The following PMP22 variants were observed in gnomAD, a reference collection of about 807,000 sequenced individuals.
PMP22 encodes the protein Charcot-Marie-Tooth neuropathy 1A (greatly reduced nerve conduction velocity, hereditary motor sensory neuropathy Ia).
A neutral mutation model predicts 18.9 loss-of-function variants in PMP22; 2 were observed. The ratio of observed to expected loss-of-function variants is 0.11; its 90% CI spans 0.04 to 0.33. The LOEUF (loss-of-function observed/expected upper bound fraction) is 0.33. Among genes scored for constraint, PMP22 ranks in the 10% least tolerant of loss-of-function variants. The pLI is 1.00. For missense variants in PMP22, 169 were observed against 202.2 expected, an observed-to-expected ratio of 0.84 and a Z score of 1.00; for synonymous variants, 95 against 89.2, an observed-to-expected ratio of 1.07 and a Z score of -0.37.
intron 4 of PMP22, 172 bp downstream of exon 4, chr17:15,239,299 A>G: frequency 1.4e-6 from 1 of 734,688 alleles, no homozygotes; most frequent in Non-Finnish European, 2.4e-6. Flanking sequence ...TCTAAGACAC[A>G]TACAGGTACA....
intron 3 of PMP22, among the ~76,000 whole-genome samples, chr17:15,251,231 C>A (rs1012588395): frequency 1.3e-5 from 2 of 152,178 alleles, no homozygotes; most frequent in African/African-American, 2.4e-5. Flanking sequence ...AAGGAAGAGG[C>A]CTTCCCTGAG....
In PMP22 at chr17:15,239,602, T is replaced by A. The variant is rs752712529; in HGVS notation, c.188A>T (p.Gln63Leu). 6.2e-7 allele frequency: 1 copy of A among 1,613,926 alleles called. No homozygotes were observed. The change falls in exon 4 of 5, where the codon CAG (glutamine) becomes CTG (leucine). Residue 63 changes from glutamine (Q) to leucine (L), a missense_variant. Gln to Leu is a moderately radical substitution (Grantham distance 113, BLOSUM62 -2). Coordinates refer to ENST00000312280, the MANE Select transcript of PMP22 (RefSeq NM_000304.4). ...CFSSSPNEWLQSVQATMILSI... is the reference protein window; with the variant it reads ...CFSSSPNEWLLSVQATMILSI... ...CAGGATCATGGTGGCCTGGACAGACTGCAGCCATTCTGGGGGAAAGAGACA... is the reference window on the plus strand; with the variant it reads ...CAGGATCATGGTGGCCTGGACAGACAGCAGCCATTCTGGGGGAAAGAGACA...
At position 15,230,900 on chromosome 17, in the gene PMP22, C is replaced by G; in HGVS notation, c.*17G>C. On this transcript the variant is annotated 3_prime_UTR_variant, in exon 5 of 5. Coordinates refer to ENST00000312280, the MANE Select transcript of PMP22 (RefSeq NM_000304.4). ...CCCTATGTACGCTCAGAGCCTCAGA[C>G]AGACCGTCTGGGCGCCTCATTCGCG... is the stretch of plus-strand genomic sequence containing the variant. The G allele has an allele frequency of 6.2e-7, 1 of 1,613,536 alleles. No homozygotes were observed. The highest frequency in any genetic ancestry group is 8.5e-7 in the Non-Finnish European group (1 of 1,179,896).
In PMP22 at chr17:15,258,929, C is replaced by T. The variant is rs1597632523; in HGVS notation, c.178+165G>A. 1.5e-6 allele frequency: 1 copy of T among 687,746 alleles called. No individual in the cohort carries two copies. The highest frequency in any genetic ancestry group is 1.5e-5 in the South Asian group (1 of 64,622). The allele number at this position is 687,746 out of a possible 1,614,324, so 42.6% of individuals were successfully genotyped here. A position where few individuals can be genotyped will look rare whatever the true frequency, so the allele number is the denominator to read the frequency against. On this transcript the variant is annotated intron_variant, in intron 3 of 4. Transcript: ENST00000312280. This position sits in a 1 kb window ranked among gnomAD's most constrained non-coding sequence, Gnocchi z 4.1. ...GATCTCAGCTTCCCCAGCGAGATCA[C>T]CACCCCTCCCATTTTCCCTGGACTC...
chr17:15,241,923 TAGTA>T (rs1361896466), intron 3 of PMP22, among the ~76,000 whole-genome samples: 1 of 152,154 alleles, frequency 6.6e-6, no homozygotes, highest in Non-Finnish European at 1.5e-5. Flanking sequence ...TGCATTAAGA[TAGTA>T]AGTCTATCAT....
intron 3 of PMP22, among the ~76,000 whole-genome samples, chr17:15,246,999 G>A (rs1907875077): frequency 1.4e-5 from 2 of 144,234 alleles, no homozygotes; most frequent in African/African-American, 2.6e-5. Flanking sequence ...GAACCCGGAA[G>A]GCGGAGACTG....
intron 4 of PMP22, among the ~76,000 whole-genome samples, chr17:15,234,138 G>T (rs1326490951): frequency 6.6e-6 from 1 of 152,118 alleles, no homozygotes; most frequent in Non-Finnish European, 1.5e-5. Flanking sequence ...TAATGCCTAC[G>T]GAGGATGCTA....
At chr17:15,236,143 C>G (rs111467752) in intron 4 of PMP22, among the ~76,000 whole-genome samples, 2 of 151,824 alleles carry the variant, frequency 1.3e-5, no homozygotes, top group Non-Finnish European at 2.9e-5. Context: ...AAGGAAGGAG[C>G]CTTTTGATAT....
At chr17:15,239,110 C>T (rs1751604928) in intron 4 of PMP22, among the ~76,000 whole-genome samples, 1 of 152,236 alleles carries the variant, frequency 6.6e-6, no homozygotes, top group African/African-American at 2.4e-5. Context: ...AAACAGCTCT[C>T]AAGCCTGACC....
At chr17:15,250,319 C>T (rs1008556591) in intron 3 of PMP22, among the ~76,000 whole-genome samples, 15 of 152,112 alleles carry the variant, frequency 9.9e-5, no homozygotes, top group Non-Finnish European at 2.2e-4. Context: ...TAACCCCTGG[C>T]ATGCCCAAGA....
intron 3 of PMP22, among the ~76,000 whole-genome samples, chr17:15,255,839 C>A (rs563541145): frequency 1.3e-5 from 2 of 152,282 alleles, no homozygotes; most frequent in Admixed American, 1.3e-4. Flanking sequence ...TGAACTCAGA[C>A]GCTGTCTGCC....
Position 15,261,725 on chromosome 17 carries a change from A to G in PMP22, c.-34-964T>C, listed in dbSNP as rs1441591461. On this transcript the variant is annotated intron_variant, in intron 1 of 4. Transcript: ENST00000312280. The surrounding 1 kb of genome is among the most constrained non-coding windows in gnomAD (Gnocchi z 5.2). ...AGAGGGTAAAAGGCTGAGTCCGAGA[A>G]TTTCAGCCGGTCAGAGCCGGCAGGA... 2 of 152,220 alleles carry G rather than the reference A, an allele frequency of 1.3e-5. No individual in the cohort carries two copies. Among genetic ancestry groups the G allele is most frequent in the African/African-American group, 2.4e-5 (1 of 41,452 alleles). The allele number at this position is 152,220 out of a possible 1,614,324, so 9.4% of individuals were successfully genotyped here.
rs181257692 is a variant in PMP22 at position 15,230,218 on chromosome 17, G to A, written c.*699C>T. ...TTGTTTAGATGATTAGTGATAATAAGGAATGGTAAATCCATAGCACCATTT... is the reference window on the plus strand; with the variant it reads ...TTGTTTAGATGATTAGTGATAATAAAGAATGGTAAATCCATAGCACCATTT... On this transcript the variant is annotated 3_prime_UTR_variant, in exon 5 of 5. Transcript: ENST00000312280. 1 of 153,288 alleles carries A rather than the reference G, an allele frequency of 6.5e-6. No homozygotes were observed. The highest frequency in any genetic ancestry group is 1.5e-5 in the Non-Finnish European group (1 of 68,440). 9.5% of individuals were successfully genotyped at this position (153,288 alleles called of 1,614,324 possible). A position where few individuals can be genotyped will look rare whatever the true frequency, so the allele number is the denominator to read the frequency against.
chr17:15,251,126 T>C (rs975304542), intron 3 of PMP22, among the ~76,000 whole-genome samples: 6 of 152,144 alleles, frequency 3.9e-5, no homozygotes. Flanking sequence ...CTCAGGGCCT[T>C]GGTTCTTCCC....
Position 15,260,715 on chromosome 17 carries a change from A to G in PMP22, c.13T>C (p.Leu5=). 2 of 1,553,316 alleles carry G rather than the reference A, an allele frequency of 1.3e-6. No individual in the cohort carries two copies. Among genetic ancestry groups the G allele is most frequent in the Non-Finnish European group, 1.7e-6 (2 of 1,147,780 alleles). Residue 5 remains leucine (L), a synonymous_variant, in exon 2 of 5, where the codon TTG becomes CTG. Transcript: ENST00000312280. ...ACGTGGAGGACGATGATACTCAGCA[A>G]CAGGAGGAGCATTCTGGCGGCAAGT... MLLL[L]LSIIVLHVAV... is the part of the protein sequence containing the mutation.
intron 3 of PMP22, among the ~76,000 whole-genome samples, chr17:15,249,855 C>T (rs1426635861): frequency 6.6e-6 from 1 of 152,206 alleles, no homozygotes; most frequent in Non-Finnish European, 1.5e-5. Flanking sequence ...TCCAGCACAT[C>T]AGGCATGAAT....
chr17:15,251,963 T>TG (rs1403127795), intron 3 of PMP22, among the ~76,000 whole-genome samples: 4 of 152,078 alleles, frequency 2.6e-5, no homozygotes, highest in African/African-American at 9.7e-5. Flanking sequence ...CCCTAAGGGT[T>TG]GAAATCCTGG....
chr17:15,241,846 G>A (rs972819142), intron 3 of PMP22, among the ~76,000 whole-genome samples: 1 of 152,092 alleles, frequency 6.6e-6, no homozygotes. Flanking sequence ...CAAGCCCTCT[G>A]GTTGACTCTG....
At chr17:15,247,938 A>G (rs1907978844) in intron 3 of PMP22, among the ~76,000 whole-genome samples, 1 of 152,222 alleles carries the variant, frequency 6.6e-6, no homozygotes, top group Non-Finnish European at 1.5e-5. Context: ...CATGACCCCA[A>G]GACCAGGACT....
Sources: gnomAD v4.1 joint callset for allele counts (sites outside exome capture counted in the v4.1 genomes callset) on GRCh38, gnomAD v4.1.1 for gene constraint, Gnocchi (gnomAD v3.1) non-coding constraint, MANE v1.5 for transcripts, NCBI Gene and HGNC (gene_info 2026-07-23, HGNC 2026-07-21) for gene names.